SLC4A10: variants seen among roughly 807,000 people sequenced by gnomAD.
The protein encoded by SLC4A10 is sodium-driven chloride bicarbonate exchanger.
A neutral mutation model predicts 137.7 loss-of-function variants in SLC4A10; 42 were observed. That is an observed-to-expected ratio of 0.30 (90% CI 0.24 to 0.39). The LOEUF is 0.39. SLC4A10 is among the 10% of genes least tolerant of loss of function. SLC4A10 has a pLI of 1.00. For synonymous variants in SLC4A10, 474 were observed against 464.1 expected, an observed-to-expected ratio of 1.02 and a Z score of -0.27; for missense variants, 925 against 1,355.0, an observed-to-expected ratio of 0.68 and a Z score of 4.98.
intron 1 of SLC4A10, among the ~76,000 whole-genome samples, chr2:161,650,876 G>A (rs1254900253): frequency 1.3e-5 from 2 of 152,178 alleles, no homozygotes; most frequent in Non-Finnish European, 2.9e-5. Flanking sequence ...TGGGCGCCAT[G>A]GACAGCATGT....
chr2:161,834,618 G>A (rs1196164418), intron 3 of SLC4A10, among the ~76,000 whole-genome samples: 3 of 151,084 alleles, frequency 2.0e-5, no homozygotes. Context: ...TAACCTTGAG[G>A]AGAAGTTTAT....
Position 161,735,929 on chromosome 2 carries a change from T to A in SLC4A10, c.49-35044T>A, listed in dbSNP as rs567843799. ...TTTAAAACATGTATCAGAGGTAGTA[T>A]AAAATTGTCTGACCAGTATATGCAG... is the stretch of plus-strand genomic sequence containing the variant. On this transcript the variant is annotated intron_variant, in intron 1 of 26. Transcript: ENST00000446997. 2.0e-3 allele frequency among the ~76,000 whole-genome samples: 310 copies of A among 152,326 alleles called. 1 individual carries two copies. The highest frequency in any genetic ancestry group is 7.0e-3 in the African/African-American group (291 of 41,572).
intron 1 of SLC4A10, 80 bp from the exon 2 acceptor site, chr2:161,770,893 T>G: frequency 1.0e-6 from 1 of 970,332 alleles, no homozygotes; most frequent in Non-Finnish European, 1.6e-6. Context: ...CTTGAAATAT[T>G]AAATTATATC....
intron 1 of SLC4A10, among the ~76,000 whole-genome samples, chr2:161,769,823 T>C (rs2051347634): frequency 6.6e-6 from 1 of 151,894 alleles, no homozygotes; most frequent in Non-Finnish European, 1.5e-5. Context: ...AGTAATTTCT[T>C]TCTTTTCTGG....
chr2:161,660,702 G>A (rs2038261553), intron 1 of SLC4A10, among the ~76,000 whole-genome samples: 1 of 146,298 alleles, frequency 6.8e-6, no homozygotes, highest in Non-Finnish European at 1.5e-5. Context: ...CACCTAGACT[G>A]GAGTGCAGTG....
chr2:161,899,868 A>G (rs6432704), intron 11 of SLC4A10, among the ~76,000 whole-genome samples: 64,835 of 151,912 alleles, frequency 0.43, 14,146 homozygotes, highest in Admixed American at 0.49. Flanking sequence ...TTTGCCTGGG[A>G]AAATTGTTAA....
At chr2:161,833,103 A>G (rs975461628) in intron 3 of SLC4A10, among the ~76,000 whole-genome samples, 3 of 152,216 alleles carry the variant, frequency 2.0e-5, no homozygotes, top group Non-Finnish European at 2.9e-5. Flanking sequence ...ATGAGAGGAA[A>G]ATTTATGACT....
chr2:161,724,924 T>C (rs1412698214), intron 1 of SLC4A10, among the ~76,000 whole-genome samples: 1 of 152,202 alleles, frequency 6.6e-6, no homozygotes, highest in Non-Finnish European at 1.5e-5. Context: ...ATTAGAGTCA[T>C]TGATTTTATT....
chr2:161,736,085 G>T (rs1040709736), intron 1 of SLC4A10, among the ~76,000 whole-genome samples: 11 of 151,954 alleles, frequency 7.2e-5, no homozygotes, highest in African/African-American at 2.7e-4. Context: ...GACAAAAATA[G>T]ATTTTATAGT....
chr2:161,631,993 G>A (rs1185179810), intron 1 of SLC4A10, among the ~76,000 whole-genome samples: 1 of 151,718 alleles, frequency 6.6e-6, no homozygotes, highest in Admixed American at 6.6e-5. Context: ...GATCTAATAA[G>A]CAAGTTTTTA....
At chr2:161,703,863 A>G (rs901179320) in intron 1 of SLC4A10, among the ~76,000 whole-genome samples, 6 of 151,700 alleles carry the variant, frequency 4.0e-5, no homozygotes, top group African/African-American at 1.4e-4. Context: ...GTGGCACCCT[A>G]CAACATCTGC....
At chr2:161,973,420 A>T (rs1304336806) in intron 23 of SLC4A10, among the ~76,000 whole-genome samples, 4 of 152,208 alleles carry the variant, frequency 2.6e-5, no homozygotes, top group Non-Finnish European at 5.9e-5. Flanking sequence ...GATTATCTTC[A>T]TCCCAAAGAT....
chr2:161,974,152 G>T, intron 23 of SLC4A10, 97 bp from the exon 24 acceptor site: 1 of 1,011,858 alleles, frequency 9.9e-7, no homozygotes, highest in Non-Finnish European at 1.4e-6. Flanking sequence ...AGGTCTTGAG[G>T]TTAATGAGAT....
intron 1 of SLC4A10, among the ~76,000 whole-genome samples, chr2:161,716,634 C>T (rs538433980): frequency 1.2e-4 from 18 of 152,226 alleles, no homozygotes; most frequent in African/African-American, 4.1e-4. Flanking sequence ...GGTCTTATTT[C>T]TGAGTTCTCT....
intron 4 of SLC4A10, among the ~76,000 whole-genome samples, chr2:161,850,672 G>T (rs573192112): frequency 3.3e-5 from 5 of 152,058 alleles, no homozygotes; most frequent in Admixed American, 2.6e-4. Context: ...TCTTGGTTTT[G>T]TTGATCTTTT....
chr2:161,790,280 C>A (rs2054059901), intron 2 of SLC4A10, among the ~76,000 whole-genome samples: 1 of 152,138 alleles, frequency 6.6e-6, no homozygotes, highest in African/African-American at 2.4e-5. Context: ...AGGAAAGCCA[C>A]TCTCCCATTG....
chr2:161,816,351 A>C (rs777400542), intron 3 of SLC4A10, among the ~76,000 whole-genome samples: 4 of 152,184 alleles, frequency 2.6e-5, no homozygotes, highest in Non-Finnish European at 5.9e-5. Flanking sequence ...TCTCTCTGCT[A>C]TGAAGCTAGA....
chr2:161,764,123 G>C (rs755068498), intron 1 of SLC4A10, among the ~76,000 whole-genome samples: 9 of 152,134 alleles, frequency 5.9e-5, no homozygotes, highest in African/African-American at 7.2e-5. Flanking sequence ...CTCAATAGGA[G>C]ACTGGTTGAC....
At chr2:161,742,061 G>A (rs1375751995) in intron 1 of SLC4A10, among the ~76,000 whole-genome samples, 1 of 152,088 alleles carries the variant, frequency 6.6e-6, no homozygotes, top group Non-Finnish European at 1.5e-5. Flanking sequence ...TCCCATAAAT[G>A]TGTGAGAACA....
Sources: gnomAD v4.1 joint callset for allele counts (sites outside exome capture counted in the v4.1 genomes callset) on GRCh38, gnomAD v4.1.1 for gene constraint, MANE v1.5 for transcripts, NCBI Gene and HGNC (gene_info 2026-07-23, HGNC 2026-07-21) for gene names.